Variants in ELMO1 observed in about 807,000 individuals in gnomAD.
ELMO1 encodes engulfment and cell motility protein 1.
A neutral mutation model predicts 98.9 loss-of-function variants in ELMO1; 26 were observed. The ratio of observed to expected loss-of-function variants is 0.26; its 90% CI spans 0.19 to 0.36. The LOEUF (loss-of-function observed/expected upper bound fraction) is 0.36, where lower values mean the gene tolerates loss of function less well. ELMO1 is among the 10% of genes least tolerant of loss of function. The probability of loss-of-function intolerance (pLI) is 1.00; values close to 1 mark genes in which losing one functional copy is unlikely to be tolerated. For missense variants in ELMO1, 627 were observed against 935.2 expected (o/e 0.67, Z 4.30); for synonymous variants, 346 against 346.0 (o/e 1.00, Z 0.00).
chr7:37,373,695 A>G (rs533379067), intron 1 of ELMO1, among the ~76,000 whole-genome samples: 1 of 152,324 alleles, frequency 6.6e-6, no homozygotes, highest in Non-Finnish European at 1.5e-5. Context: ...AAACAACTCA[A>G]TACATTATCA....
rs1794870850 is a variant in ELMO1 at position 37,243,875 on chromosome 7, A to G, written c.449+481T>C. Among the ~76,000 whole-genome samples, 4 of 152,332 alleles carry G rather than the reference A, an allele frequency of 2.6e-5. No homozygotes were observed. In the South Asian group the frequency reaches 8.3e-4, roughly 32 times the overall value. On this transcript the variant is annotated intron_variant, in intron 7 of 21. Transcript: ENST00000310758. ...CAGACACAATCATACAATTCACTTC[A>G]TAGATAGGTGATCGAGCACTTTCTC...
At chr7:37,389,199 C>T (rs890211745) in intron 1 of ELMO1, among the ~76,000 whole-genome samples, 22 of 152,150 alleles carry the variant, frequency 1.4e-4, no homozygotes, top group African/African-American at 5.1e-4. Context: ...TTATCTGTAC[C>T]TTGTCACTTT....
Position 37,247,486 on chromosome 7 carries a change from C to G in ELMO1, c.414-3095G>C, listed in dbSNP as rs138371094. 2.6e-5 allele frequency among the ~76,000 whole-genome samples: 4 copies of G among 152,262 alleles called. No individual in the cohort carries two copies. In the East Asian group the frequency reaches 7.7e-4, roughly 29 times the overall value. ...TGTGCCCATGTGCTTTCTGCCTCAGCTCCTCAACTGTGACTTAGTTGAGTG... is the reference window on the plus strand; with the variant it reads ...TGTGCCCATGTGCTTTCTGCCTCAGGTCCTCAACTGTGACTTAGTTGAGTG... On this transcript the variant is annotated intron_variant, in intron 6 of 21. Coordinates refer to ENST00000310758, the MANE Select transcript of ELMO1 (RefSeq NM_014800.11).
intron 4 of ELMO1, among the ~76,000 whole-genome samples, chr7:37,296,971 A>G (rs1669067926): frequency 6.6e-6 from 1 of 152,230 alleles, no homozygotes; most frequent in Admixed American, 6.5e-5. Context: ...CAGGTGCAGC[A>G]GCAGCGAACT....
intron 15 of ELMO1, among the ~76,000 whole-genome samples, chr7:37,091,905 A>G (rs913366509): frequency 6.6e-6 from 1 of 152,162 alleles, no homozygotes; most frequent in African/African-American, 2.4e-5. Context: ...CCATGAGAAC[A>G]GTACAGGGGA....
intron 15 of ELMO1, among the ~76,000 whole-genome samples, chr7:37,044,164 G>A (rs1160618604): frequency 6.6e-6 from 1 of 152,148 alleles, no homozygotes; most frequent in African/African-American, 2.4e-5. Flanking sequence ...GTGTGAAAAT[G>A]CTCAATGAGG....
intron 16 of ELMO1, among the ~76,000 whole-genome samples, chr7:36,963,574 T>C (rs1190990171): frequency 6.6e-6 from 1 of 152,114 alleles, no homozygotes; most frequent in Non-Finnish European, 1.5e-5. Flanking sequence ...GGTGGATGGA[T>C]TAGAGGCATT....
intron 1 of ELMO1, among the ~76,000 whole-genome samples, chr7:37,410,882 G>A (rs1184196152): frequency 1.3e-5 from 2 of 152,204 alleles, no homozygotes; most frequent in Non-Finnish European, 1.5e-5. Flanking sequence ...TGAGCTATAT[G>A]CTGTGACACT....
intron 16 of ELMO1, among the ~76,000 whole-genome samples, chr7:36,935,272 T>C (rs996722619): frequency 9.2e-5 from 14 of 152,202 alleles, no homozygotes; most frequent in African/African-American, 2.9e-4. Context: ...GCCTTTCACC[T>C]TCTGCCATGA....
At chr7:37,322,714 G>A (rs1374720046) in intron 2 of ELMO1, among the ~76,000 whole-genome samples, 1 of 151,734 alleles carries the variant, frequency 6.6e-6, no homozygotes, top group Admixed American at 6.6e-5. Context: ...GAGGTGGGAG[G>A]ACTGCTTGAG....
chr7:37,189,353 C>G (rs542748572), intron 13 of ELMO1, among the ~76,000 whole-genome samples: 1 of 152,256 alleles, frequency 6.6e-6, no homozygotes, highest in East Asian at 1.9e-4. Context: ...GAAATGAATC[C>G]TTTTGAGAAA....
chr7:37,163,389 A>T (rs947104223), intron 13 of ELMO1, among the ~76,000 whole-genome samples: 1 of 151,916 alleles, frequency 6.6e-6, no homozygotes. Flanking sequence ...CATGTGCACA[A>T]TGTGCAGGTT....
At chr7:37,423,871 G>A (rs371792645) in intron 1 of ELMO1, among the ~76,000 whole-genome samples, 5 of 152,206 alleles carry the variant, frequency 3.3e-5, no homozygotes, top group East Asian at 3.9e-4. Context: ...CAGAGAAGTC[G>A]CATGTCTAAT....
At position 37,293,286 on chromosome 7, in the gene ELMO1, G is replaced by A. The variant is rs1460131769; in HGVS notation, c.193-21404C>T. Among the ~76,000 whole-genome samples, 10 of 135,332 alleles carry A rather than the reference G, an allele frequency of 7.4e-5. No homozygotes were observed. In the East Asian group the frequency reaches 1.2e-3, roughly 17 times the overall value. 88.8% of individuals were successfully genotyped at this position (135,332 alleles called of 152,430 possible). On this transcript the variant is annotated intron_variant, in intron 4 of 21. Coordinates refer to ENST00000310758, the MANE Select transcript of ELMO1 (RefSeq NM_014800.11). ...TTTTGTAGAATAGAAAGGGGGGAAA[G>A]GTGGGGAAAAGATTGAGAAATCGGG...
chr7:37,031,411 A>T (rs970371127), intron 15 of ELMO1, among the ~76,000 whole-genome samples: 1 of 152,226 alleles, frequency 6.6e-6, no homozygotes. Context: ...ATAATGAAAA[A>T]CATAAACTGT....
At chr7:36,971,107 G>A (rs1222554708) in intron 16 of ELMO1, among the ~76,000 whole-genome samples, 2 of 152,216 alleles carry the variant, frequency 1.3e-5, no homozygotes, top group East Asian at 3.8e-4. Context: ...CAACTTGAAG[G>A]GAGCTTGGAA....
intron 16 of ELMO1, among the ~76,000 whole-genome samples, chr7:36,897,325 C>CGT (rs11267559): frequency 1.3e-3 from 60 of 46,984 alleles, no homozygotes; most frequent in South Asian, 2.3e-3. Flanking sequence ...AGAAAACAGA[C>CGT]GTGTGTGTGT....
Position 37,131,834 on chromosome 7 carries a change from G to A in ELMO1, c.1191+1296C>T, listed in dbSNP as rs189064269. 2.0e-4 allele frequency among the ~76,000 whole-genome samples: 31 copies of A among 152,240 alleles called. No homozygotes were observed. In the East Asian group the frequency reaches 5.4e-3, roughly 27 times the overall value. Reference sequence around the variant, plus strand: ...GATTACAAATAATATTTCAGAATAGGTCAAAGCTTCCCAAACTCCATATAT... The same window carrying A: ...GATTACAAATAATATTTCAGAATAGATCAAAGCTTCCCAAACTCCATATAT... On this transcript the variant is annotated intron_variant, in intron 14 of 21. Coordinates refer to ENST00000310758, the MANE Select transcript of ELMO1 (RefSeq NM_014800.11).
intron 18 of ELMO1, among the ~76,000 whole-genome samples, chr7:36,882,017 T>C (rs926548178): frequency 2.0e-5 from 3 of 152,178 alleles, no homozygotes; most frequent in African/African-American, 7.2e-5. Context: ...CCCAGCAAGC[T>C]GAACAATGGC....
Sources: allele counts gnomAD v4.1 joint callset (sites outside exome capture counted in the v4.1 genomes callset), GRCh38; gene constraint gnomAD v4.1.1; transcripts MANE v1.5; gene names NCBI Gene and HGNC (gene_info 2026-07-23, HGNC 2026-07-21).